KLC3: variants seen among roughly 807,000 people sequenced by gnomAD.
KLC3 encodes kinesin light chain 2.
A neutral mutation model predicts 62.9 loss-of-function variants in KLC3; 72 were observed. The observed-to-expected ratio is 1.15, with a 90% CI of 0.95 to 1.39. The LOEUF is 1.39. Among genes scored for constraint, KLC3 ranks in the 40% most tolerant of loss-of-function variants. KLC3 has a pLI of 0.00. For synonymous variants in KLC3, 377 were observed against 300.5 expected (o/e 1.25, Z -2.63); for missense variants, 848 against 691.6 (o/e 1.23, Z -2.54).
At position 45,348,174 on chromosome 19, in the gene KLC3, C is replaced by A. The variant is rs1253692463; in HGVS notation, c.779+14C>A. ...GCTGGTGTACCGGTGAGCACTGCGG[C>A]CAGCCATGGCTGGGGGCAGGAACGG... On this transcript the variant is annotated intron_variant, in intron 5 of 12. Coordinates refer to ENST00000391946, the MANE Select transcript of KLC3 (RefSeq NM_177417.3). 6 of 1,558,796 alleles carry A rather than the reference C, an allele frequency of 3.8e-6. No individual in the cohort carries two copies. The South Asian group carries it at 7.0e-5, about 18-fold the overall frequency.
intron 1 of KLC3, 62 bp from the exon 2 acceptor site, chr19:45,345,472 G>A (rs1468560460): frequency 6.5e-7 from 1 of 1,547,902 alleles, no homozygotes; most frequent in African/African-American, 1.4e-5. Flanking sequence ...GGGAATAGAG[G>A]CTGGGGGCCA....
chr19:45,347,332 C>T (rs1352376584), intron 3 of KLC3, 115 bp from the exon 4 acceptor site: 7 of 739,008 alleles, frequency 9.5e-6, no homozygotes, highest in African/African-American at 9.4e-5. Flanking sequence ...ACAAGCGAAA[C>T]TCCGTCTCAA....
intron 7 of KLC3, 119 bp from the exon 8 acceptor site, chr19:45,349,310 C>G (rs936487846): frequency 9.5e-7 from 1 of 1,048,796 alleles, no homozygotes; most frequent in Non-Finnish European, 1.4e-6. Context: ...CCCCCAACCT[C>G]TCAGGTCACT....
Position 45,350,510 on chromosome 19 carries a change from C to T in KLC3, c.1235-4C>T. 6.2e-7 allele frequency: 1 copy of T among 1,613,902 alleles called. No homozygotes were observed. Among genetic ancestry groups the T allele is most frequent in the South Asian group, 1.1e-5 (1 of 91,056 alleles). On this transcript the variant is annotated splice_polypyrimidine_tract_variant and splice_region_variant and intron_variant, in intron 9 of 12. Transcript: ENST00000391946. Reference sequence around the variant, plus strand: ...ATCTCAGTGTCCCCCATCTTTCCCCCTAGGTGCCCCCAACACAGGCACAGC... The same window carrying T: ...ATCTCAGTGTCCCCCATCTTTCCCCTTAGGTGCCCCCAACACAGGCACAGC...
intron 4 of KLC3, among the ~76,000 whole-genome samples, chr19:45,347,717 A>G (rs1251250389): frequency 6.6e-6 from 1 of 152,146 alleles, no homozygotes; most frequent in Non-Finnish European, 1.5e-5. Context: ...CCCCGTATTC[A>G]CATCCCACAG....
chr19:45,350,957 G>A lies in KLC3; in HGVS notation c.1383G>A (p.Met461Ile). Residue 461 changes from methionine (M) to isoleucine (I), a missense_variant, in exon 12 of 13, where the codon ATG becomes ATA. By Grantham distance (10) the Met-to-Ile change is conservative. Coordinates refer to ENST00000391946, the MANE Select transcript of KLC3 (RefSeq NM_177417.3). ...RGEAAAGAAGMKRAMSLNTLN... is the reference protein window; with the variant it reads ...RGEAAAGAAGIKRAMSLNTLN... The stretch of plus-strand genomic sequence containing the variant: ...CTCCCTGCTGCCCTCTTTGCAGAAT[G>A]AAGAGAGCCATGTCACTCAACACAC... 6.2e-7 allele frequency: 1 copy of A among 1,614,092 alleles called. No individual in the cohort carries two copies. Among genetic ancestry groups the A allele is most frequent in the Non-Finnish European group, 8.5e-7 (1 of 1,179,982 alleles).
In KLC3 at chr19:45,351,317, G is replaced by A. The variant is rs201702505; in HGVS notation, c.1475G>A (p.Arg492Gln). 1.0e-4 allele frequency: 166 copies of A among 1,612,288 alleles called. No individual in the cohort carries two copies. The highest frequency in any genetic ancestry group is 3.3e-4 in the Middle Eastern group (2 of 6,082). ...FPSWHLDKAP[R>Q]TLSASTQDLS... ...AGCTGGCACCTGGACAAGGCCCCTCGGACCCTCAGCGCCAGCACCCAGGAC... is the reference window on the plus strand; with the variant it reads ...AGCTGGCACCTGGACAAGGCCCCTCAGACCCTCAGCGCCAGCACCCAGGAC... The change falls in exon 13 of 13, where the codon CGG becomes CAG. Residue 492 changes from arginine (R) to glutamine (Q), a missense_variant. Transcript: ENST00000391946.
chr19:45,348,991 C>T (rs1020818604), intron 7 of KLC3, 70 bp downstream of exon 7: 44 of 1,349,804 alleles, frequency 3.3e-5, no homozygotes, highest in Admixed American at 2.0e-4. Flanking sequence ...ATGCTGAGCA[C>T]GTACATCGTG....
In KLC3 at chr19:45,348,147, G is replaced by C. The variant is rs1195134533; in HGVS notation, c.766G>C (p.Ala256Pro). 9.4e-6 allele frequency: 15 copies of C among 1,592,658 alleles called. No homozygotes were observed. The highest frequency in any genetic ancestry group is 1.3e-5 in the Non-Finnish European group (15 of 1,168,930). Residue 256 changes from alanine (A) to proline (P), a missense_variant, in exon 5 of 13, where the codon GCG becomes CCG. Physicochemically the swap from Ala to Pro is conservative, Grantham distance 27. Transcript: ENST00000391946. The stretch of plus-strand genomic sequence containing the variant: ...CGTGGCCACCATGCTCAACATCCTG[G>C]CGCTGGTGTACCGGTGAGCACTGCG... The part of the protein sequence containing the change: ...PDVATMLNIL[A>P]LVYRDQNKYK...
rs907373348 is a variant in KLC3, at chr19:45,346,842, CCTT to C, written c.489+69_489+71del. On this transcript the variant is annotated intron_variant, in intron 3 of 12. Transcript: ENST00000391946. ...AGAGCCCCACAGTCCCCCAGACCCT[CCTT>C]AGAATCCCACAGTCCCCAAGATCCT... 1.4e-5 allele frequency: 19 copies of C among 1,383,182 alleles called. No individual in the cohort carries two copies. The African/African-American group carries it at 2.4e-4, about 18-fold the overall frequency. The allele number at this position is 1,383,182 out of a possible 1,614,324, so 85.7% of individuals were successfully genotyped here.
chr19:45,347,849 C>A, intron 4 of KLC3, 92 bp from the exon 5 acceptor site: 5 of 1,066,442 alleles, frequency 4.7e-6, no homozygotes, highest in Non-Finnish European at 6.9e-6. Flanking sequence ...GCCAGTTAGG[C>A]AGTCCGGCAG....
intron 1 of KLC3, 28 bp from the exon 2 acceptor site, chr19:45,345,506 C>A: frequency 6.4e-7 from 1 of 1,553,724 alleles, no homozygotes; most frequent in Non-Finnish European, 8.7e-7. Flanking sequence ...GGCAATGATT[C>A]CCCAAACCCC....
Position 45,348,688 on chromosome 19 carries a change from T to C in KLC3, c.822T>C (p.Asp274=), listed in dbSNP as rs1207232701. Residue 274 remains aspartate, a synonymous_variant, in exon 6 of 13, where the codon GAT becomes GAC. Coordinates refer to ENST00000391946, the MANE Select transcript of KLC3 (RefSeq NM_177417.3). ...KYKEATDLLH[D]ALQIREQTLG... ...AAGAAGCCACAGACCTTCTCCATGA[T>C]GCCCTGCAGATCCGGGAGCAGACGC... 1 of 1,597,058 alleles carries C rather than the reference T, an allele frequency of 6.3e-7. No homozygotes were observed. Among genetic ancestry groups the C allele is most frequent in the Non-Finnish European group, 8.5e-7 (1 of 1,172,178 alleles).
intron 8 of KLC3, 26 bp from the exon 9 acceptor site, chr19:45,350,315 G>T (rs1348884546): frequency 6.3e-7 from 1 of 1,595,390 alleles, no homozygotes. Context: ...GGTCCGAAAA[G>T]TTCCCAGACA....
intron 7 of KLC3, 99 bp downstream of exon 7, chr19:45,349,020 C>T: frequency 9.1e-7 from 1 of 1,094,126 alleles, no homozygotes; most frequent in East Asian, 2.6e-5. Context: ...CCTCGGGCCC[C>T]TTGCGTTTGG....
Position 45,341,578 on chromosome 19 carries a change from T to TGTGTGCGCGCGCGC in KLC3, c.-9+733_-9+734insTGTGCGCGCGCGCG. Among the ~76,000 whole-genome samples the TGTGTGCGCGCGCGC allele has an allele frequency of 3.4e-3, 476 of 139,864 alleles. 2 individuals are homozygous for TGTGTGCGCGCGCGC. Among genetic ancestry groups the TGTGTGCGCGCGCGC allele is most frequent in the African/African-American group, 5.4e-3 (201 of 37,446 alleles). The allele number at this position is 139,864 out of a possible 152,430, so 91.8% of individuals were successfully genotyped here. On this transcript the variant is annotated intron_variant, in intron 1 of 12. Transcript: ENST00000391946. Reference sequence around the variant, plus strand: ...TGGTGTGTGTGTGTGTGTGTGTGTGTGCGCGCGCGCGTGTGGTGGACAGTG... The same window carrying TGTGTGCGCGCGCGC: ...TGGTGTGTGTGTGTGTGTGTGTGTGTGTGTGCGCGCGCGCGCGCGCGCGCGTGTGGTGGACAGTG...
rs373571092 is a variant in KLC3 at position 45,349,502 on chromosome 19, A to G, written c.1043A>G (p.Lys348Arg). The part of the protein sequence containing the change: ...NLALLCQNQG[K>R]FEDVERHYAR... ...GCCCTGCTGTGCCAGAACCAGGGCA[A>G]GTTTGAGGACGTGGAGCGGCACTAT... Residue 348 changes from lysine (K) to arginine (R), a missense_variant, in exon 8 of 13, where the codon AAG (lysine) becomes AGG (arginine). Transcript: ENST00000391946. The G allele has an allele frequency of 2.8e-5, 45 of 1,613,540 alleles. No homozygotes were observed. The highest frequency in any genetic ancestry group is 3.5e-5 in the Non-Finnish European group (41 of 1,179,862).
Position 45,347,957 on chromosome 19 carries a change from A to G in KLC3, c.576A>G (p.Gly192=), listed in dbSNP as rs558716288. 1.3e-5 allele frequency: 21 copies of G among 1,606,164 alleles called. No homozygotes were observed. The South Asian group carries it at 2.2e-4, about 17-fold the overall frequency. ...EEERKGPEAA[G]AAAAQQGGYE... Reference sequence around the variant, plus strand: ...CCCACCTAGGTCCTGAGGCCGCAGGAGCAGCAGCTGCTCAGCAGGGTGGCT... The same window carrying G: ...CCCACCTAGGTCCTGAGGCCGCAGGGGCAGCAGCTGCTCAGCAGGGTGGCT... Residue 192 remains glycine, a synonymous_variant, in exon 5 of 13, where the codon GGA becomes GGG. Coordinates refer to ENST00000391946, the MANE Select transcript of KLC3 (RefSeq NM_177417.3).
intron 1 of KLC3, among the ~76,000 whole-genome samples, chr19:45,344,578 GA>G: frequency 6.6e-6 from 1 of 152,212 alleles, no homozygotes; most frequent in African/African-American, 2.4e-5. Context: ...TTTCGGAGAG[GA>G]AAATGTGTAT....
Sources: allele counts gnomAD v4.1 joint callset (sites outside exome capture counted in the v4.1 genomes callset), GRCh38; gene constraint gnomAD v4.1.1; transcripts MANE v1.5; gene names NCBI Gene and HGNC (gene_info 2026-07-23, HGNC 2026-07-21).